CREB3L2: variants seen among roughly 807,000 people sequenced by gnomAD.
The protein encoded by CREB3L2 is cAMP responsive element binding protein 3 like 2, also known as cyclic AMP-responsive element-binding protein 3-like protein 2.
A neutral mutation model predicts 57.2 loss-of-function variants in CREB3L2; 23 were observed. That is an observed-to-expected ratio of 0.40 (90% CI 0.29 to 0.57). CREB3L2 has a LOEUF of 0.57. Ranked by LOEUF, CREB3L2 falls within the 20% of genes least tolerant of loss-of-function variation. The pLI is 0.42. For missense variants in CREB3L2, 628 were observed against 634.7 expected (o/e 0.99, Z 0.11); for synonymous variants, 268 against 265.1 (o/e 1.01, Z -0.11).
chr7:137,887,483 C>T (rs1326821223), intron 8 of CREB3L2, among the ~76,000 whole-genome samples: 1 of 152,076 alleles, frequency 6.6e-6, no homozygotes, highest in Non-Finnish European at 1.5e-5. Flanking sequence ...CCAAGGTGGC[C>T]AGATCACGAG....
intron 1 of CREB3L2, among the ~76,000 whole-genome samples, chr7:137,993,356 C>T (rs1328175627): frequency 6.6e-6 from 1 of 152,198 alleles, no homozygotes; most frequent in Non-Finnish European, 1.5e-5. Flanking sequence ...ATCAACTCCA[C>T]TCCCACTGGA....
At chr7:137,946,976 A>T (rs1377966200) in intron 1 of CREB3L2, among the ~76,000 whole-genome samples, 2 of 38,124 alleles carry the variant, frequency 5.2e-5, no homozygotes, top group South Asian at 2.4e-3. Flanking sequence ...ATATATAGTT[A>T]TATATATATA....
At chr7:137,995,348 T>TTTTTTTTTTTTTTTTG (rs1801972928) in intron 1 of CREB3L2, among the ~76,000 whole-genome samples, 1 of 140,396 alleles carries the variant, frequency 7.1e-6, no homozygotes, top group African/African-American at 2.6e-5. Context: ...TTTTTTTTTT[T>TTTTTTTTTTTTTTTTG]TTTTGAGACA....
intron 2 of CREB3L2, among the ~76,000 whole-genome samples, chr7:137,916,836 G>C (rs34110771): frequency 0.047 from 7,218 of 152,158 alleles, 398 homozygotes; most frequent in African/African-American, 0.13. Context: ...GAGAGAGAGA[G>C]AGAAGCAAGC....
chr7:137,914,547 A>G (rs1262643335), intron 3 of CREB3L2, among the ~76,000 whole-genome samples: 1 of 152,116 alleles, frequency 6.6e-6, no homozygotes, highest in African/African-American at 2.4e-5. Context: ...CACAAGAATC[A>G]CTGAACCCGG....
chr7:137,968,126 G>A (rs184035085), intron 1 of CREB3L2, among the ~76,000 whole-genome samples: 37 of 151,348 alleles, frequency 2.4e-4, no homozygotes, highest in East Asian at 1.9e-3. Flanking sequence ...ACAACACAGC[G>A]TCGTTTCTAC....
At chr7:137,947,014 T>TTATATATATAAC (rs1727679367) in intron 1 of CREB3L2, among the ~76,000 whole-genome samples, 1 of 126,878 alleles carries the variant, frequency 7.9e-6, no homozygotes, top group Admixed American at 8.1e-5. Context: ...ATATATATAG[T>TTATATATATAAC]TATATATATA....
At chr7:137,928,092 T>G in intron 2 of CREB3L2, 58 bp downstream of exon 2, 1 of 1,338,652 alleles carries the variant, frequency 7.5e-7, no homozygotes, top group South Asian at 1.3e-5. Context: ...CTCCACACCC[T>G]CAAGAGCTCA....
In CREB3L2 at chr7:137,980,515, C is replaced by T. The variant is rs1801695984; in HGVS notation, c.102+21089G>A. Reference sequence around the variant, plus strand: ...GGTTCCAAACTGGTGGGGGGCAACCCCAGGCCTAGACAAACACAACCAGAG... The same window carrying T: ...GGTTCCAAACTGGTGGGGGGCAACCTCAGGCCTAGACAAACACAACCAGAG... On this transcript the variant is annotated intron_variant, in intron 1 of 11. Transcript: ENST00000330387. This position sits in a 1 kb window ranked among gnomAD's most constrained non-coding sequence, Gnocchi z 4.3. Among the ~76,000 whole-genome samples, 1 of 152,202 alleles carries T rather than the reference C, an allele frequency of 6.6e-6. No individual in the cohort carries two copies. Among genetic ancestry groups the T allele is most frequent in the African/African-American group, 2.4e-5 (1 of 41,444 alleles).
intron 1 of CREB3L2, among the ~76,000 whole-genome samples, chr7:137,981,537 G>A (rs1248204211): frequency 6.6e-6 from 1 of 152,182 alleles, no homozygotes; most frequent in Non-Finnish European, 1.5e-5. Flanking sequence ...AAACAGTCCA[G>A]ACCCCACAGA....
intron 7 of CREB3L2, 84 bp from the exon 8 acceptor site, chr7:137,901,506 A>C (rs1799756664): frequency 2.5e-6 from 2 of 797,168 alleles, no homozygotes. Flanking sequence ...GGTGGGGATG[A>C]GGAAAAGGAG....
In CREB3L2 at chr7:137,928,740, T is replaced by G. The variant is rs1048373299; in HGVS notation, c.103-374A>C. On this transcript the variant is annotated intron_variant, in intron 1 of 11. Transcript: ENST00000330387. Reference sequence around the variant, plus strand: ...GCTTCCTCCCATGATGGCAGAAATCTTCCATGAGGGAGAAAAACCAAAGCT... The same window carrying G: ...GCTTCCTCCCATGATGGCAGAAATCGTCCATGAGGGAGAAAAACCAAAGCT... 5.3e-5 allele frequency among the ~76,000 whole-genome samples: 8 copies of G among 152,254 alleles called. No homozygotes were observed. The East Asian group carries it at 1.5e-3, about 29-fold the overall frequency.
chr7:137,921,186 G>A (rs897556668), intron 2 of CREB3L2, among the ~76,000 whole-genome samples: 4 of 152,154 alleles, frequency 2.6e-5, no homozygotes, highest in Non-Finnish European at 5.9e-5. Flanking sequence ...TGTTCTTTCC[G>A]CATTGTGTTT....
intron 8 of CREB3L2, among the ~76,000 whole-genome samples, chr7:137,891,081 C>T (rs1356245852): frequency 6.6e-6 from 1 of 152,192 alleles, no homozygotes. Context: ...TCTGGGCCAA[C>T]AGATTTTTCA....
At chr7:137,908,531 A>G in intron 4 of CREB3L2, 95 bp from the exon 5 acceptor site, 1 of 867,900 alleles carries the variant, frequency 1.2e-6, no homozygotes, top group South Asian at 5.7e-5. Flanking sequence ...AGGGGCCTCC[A>G]TGAGCTGACC....
rs1315325064 is a variant in CREB3L2, at chr7:137,885,004, C to CT, written c.1260dup (p.Ala421SerfsTer35). Reference sequence around the variant, plus strand: ...CCACATGCTGTCTTACCCACGGAGGCTGTGTAGGGCTCCTGCAGGGAATGC... The same window carrying CT: ...CCACATGCTGTCTTACCCACGGAGGCTTGTGTAGGGCTCCTGCAGGGAATGC... On this transcript the variant is annotated frameshift_variant, in exon 10 of 12. Coordinates refer to ENST00000330387, the MANE Select transcript of CREB3L2 (RefSeq NM_194071.4). LOFTEE classifies it high-confidence loss of function. The CT allele has an allele frequency of 6.2e-7, 1 of 1,614,224 alleles. No individual in the cohort carries two copies. The highest frequency in any genetic ancestry group is 1.1e-5 in the South Asian group (1 of 91,086).
rs1585673414 is a variant in CREB3L2 at position 137,978,852 on chromosome 7, G to A, written c.102+22752C>T. ...CAGGAAACATCTATGGAAGAGAGCC[G>A]TGGATGAAAACCTCAAGGAGAAACA... is the stretch of plus-strand genomic sequence containing the variant. On this transcript the variant is annotated intron_variant, in intron 1 of 11. Coordinates refer to ENST00000330387, the MANE Select transcript of CREB3L2 (RefSeq NM_194071.4). Among the ~76,000 whole-genome samples, 3 of 152,252 alleles carry A rather than the reference G, an allele frequency of 2.0e-5. No homozygotes were observed. The South Asian group carries it at 6.2e-4, about 32-fold the overall frequency.
chr7:137,902,736 T>C (rs1195311965), intron 7 of CREB3L2, among the ~76,000 whole-genome samples: 1 of 152,204 alleles, frequency 6.6e-6, no homozygotes, highest in Non-Finnish European at 1.5e-5. Context: ...ACAATGTAAA[T>C]ACTATGTAAA....
Position 137,901,354 on chromosome 7 carries a change from C to A in CREB3L2, c.1043G>T (p.Arg348Met). 6.4e-7 allele frequency: 1 copy of A among 1,559,276 alleles called. No individual in the cohort carries two copies. The highest frequency in any genetic ancestry group is 8.8e-7 in the Non-Finnish European group (1 of 1,130,846). The change falls in exon 8 of 12, where the codon AGG becomes ATG. Residue 348 changes from arginine (R) to methionine (M), a missense_variant and splice_region_variant. By Grantham distance (91) the Arg-to-Met change is moderately conservative. This residue lies in a region of CREB3L2 where 272 missense variants were observed against 242.7 expected (regional missense o/e 1.12). Coordinates refer to ENST00000330387, the MANE Select transcript of CREB3L2 (RefSeq NM_194071.4). The part of the protein sequence containing the change: ...KKVEVLENTN[R>M]TLLQQLQKLQ... ...CAGCTCTCAGTCCAGTGACACTTAC[C>A]TATTAGTGTTCTCTAGAACCTCTAC...
Sources: gnomAD v4.1 joint callset for allele counts (sites outside exome capture counted in the v4.1 genomes callset) on GRCh38, gnomAD v4.1.1 for gene constraint, gnomAD v4.1.1 regional missense constraint, Gnocchi (gnomAD v3.1) non-coding constraint, MANE v1.5 for transcripts, NCBI Gene and HGNC (gene_info 2026-07-23, HGNC 2026-07-21) for gene names.